CHLSN: variants seen among roughly 807,000 people sequenced by gnomAD.
CHLSN encodes protein cholesin.
At chr7:997,810 C>CG in the CHLSN span, 25 of 1,599,400 alleles carry the variant, frequency 1.6e-5, no homozygotes, top group South Asian at 2.7e-4. Flanking sequence ...GGAACCTGGA[C>CG]GGGAAAGAGA....
the CHLSN span, chr7:1,023,033 C>G: frequency 4.4e-6 from 2 of 456,548 alleles, no homozygotes; most frequent in Non-Finnish European, 8.8e-6. The surrounding 1 kb of genome is among the most constrained non-coding windows in gnomAD (Gnocchi z 5.0). Flanking sequence ...CCCGCCCCTG[C>G]GGAGCACAGG....
the CHLSN span, among the ~76,000 whole-genome samples, chr7:1,034,333 C>T: frequency 2.6e-5 from 4 of 151,288 alleles, no homozygotes; most frequent in African/African-American, 9.7e-5. Flanking sequence ...AGAGTCAAGA[C>T]ATAAATTCTC....
At chr7:1,019,218 G>C in the CHLSN span, among the ~76,000 whole-genome samples, 9 of 137,330 alleles carry the variant, frequency 6.6e-5, no homozygotes, top group South Asian at 5.6e-4. Context: ...AAAACGGGGG[G>C]GGGGGAGTGA....
At chr7:1,088,775 A>G in the CHLSN span, among the ~76,000 whole-genome samples, 1 of 152,238 alleles carries the variant, frequency 6.6e-6, no homozygotes, top group South Asian at 2.1e-4. The surrounding 1 kb of genome is among the most constrained non-coding windows in gnomAD (Gnocchi z 4.5). Flanking sequence ...AGCAGAGGAA[A>G]TCTGAAATGA....
the CHLSN span, among the ~76,000 whole-genome samples, chr7:1,134,339 C>T: frequency 2.0e-5 from 3 of 151,968 alleles, no homozygotes; most frequent in Non-Finnish European, 2.9e-5. Context: ...TTTGGGAGGC[C>T]GAGGTGGGCA....
the CHLSN span, among the ~76,000 whole-genome samples, chr7:1,133,832 T>C: frequency 3.3e-5 from 5 of 151,886 alleles, no homozygotes; most frequent in East Asian, 1.9e-4. Context: ...CTATAATGTT[T>C]GTTGTGAGAC....
the CHLSN span, among the ~76,000 whole-genome samples, chr7:1,070,790 CGCACGT>C: frequency 2.1e-5 from 3 of 144,102 alleles, no homozygotes; most frequent in Non-Finnish European, 3.0e-5. Context: ...CACACGGACA[CGCACGT>C]GCACACATGC....
At chr7:1,064,185 C>T in the CHLSN span, among the ~76,000 whole-genome samples, 12 of 152,326 alleles carry the variant, frequency 7.9e-5, no homozygotes, top group East Asian at 7.7e-4. Context: ...CCGGGAACAC[C>T]GTGACCGGAA....
the CHLSN span, chr7:1,127,448 T>A: frequency 1.3e-6 from 2 of 1,488,362 alleles, no homozygotes; most frequent in Non-Finnish European, 1.8e-6. Flanking sequence ...CATGTAAGAT[T>A]TTTAAATAAA....
the CHLSN span, among the ~76,000 whole-genome samples, chr7:1,064,360 G>A: frequency 6.6e-6 from 1 of 152,142 alleles, no homozygotes. Context: ...GGCTCTGTAG[G>A]GAGACAAGGC....
the CHLSN span, among the ~76,000 whole-genome samples, chr7:1,020,210 A>G: frequency 7.2e-5 from 11 of 152,120 alleles, no homozygotes; most frequent in African/African-American, 2.7e-4. Context: ...CGCGGAGTGC[A>G]TTCCCTCATG....
chr7:1,028,783 T>A, the CHLSN span: 1 of 722,404 alleles, frequency 1.4e-6, no homozygotes, highest in Non-Finnish European at 1.6e-6. Flanking sequence ...TCTGCCGCCA[T>A]CTGTCCCTAT....
chr7:985,944 G>A, the CHLSN span, among the ~76,000 whole-genome samples: 1 of 152,120 alleles, frequency 6.6e-6, no homozygotes, highest in Non-Finnish European at 1.5e-5. Context: ...CGAGAGCAGG[G>A]GGCACAGCTT....
chr7:982,620 G>A, the CHLSN span, among the ~76,000 whole-genome samples: 2 of 152,266 alleles, frequency 1.3e-5, no homozygotes, highest in African/African-American at 4.8e-5. Context: ...CACCCTCAGG[G>A]AGATGCAGGT....
chr7:1,007,567 G>T, the CHLSN span, among the ~76,000 whole-genome samples: 4 of 152,342 alleles, frequency 2.6e-5, no homozygotes, highest in South Asian at 6.2e-4. Context: ...CACCCTTGGA[G>T]ACCCCCAGGA....
At chr7:1,103,337 C>T in the CHLSN span, among the ~76,000 whole-genome samples, 1 of 152,136 alleles carries the variant, frequency 6.6e-6, no homozygotes, top group South Asian at 2.1e-4. Flanking sequence ...TGGAGAAAAA[C>T]CCTCGCGCAG....
chr7:1,126,159 G>C, the CHLSN span, among the ~76,000 whole-genome samples: 176 of 151,064 alleles, frequency 1.2e-3, 1 homozygote, highest in Non-Finnish European at 2.2e-3. Context: ...AGGAGGTCGA[G>C]ACCATCCCAG....
At chr7:1,093,230 G>A in the CHLSN span, 3 of 489,770 alleles carry the variant, frequency 6.1e-6, no homozygotes, top group East Asian at 1.2e-4. Flanking sequence ...AGAGGCCACT[G>A]TGGGTGAAGC....
chr7:1,071,507 C>T, the CHLSN span, among the ~76,000 whole-genome samples: 2 of 152,166 alleles, frequency 1.3e-5, no homozygotes, highest in South Asian at 2.1e-4. Context: ...CATTAAAAAC[C>T]ACAAAAACTG....
Sources: allele counts gnomAD v4.1 joint callset (sites outside exome capture counted in the v4.1 genomes callset), GRCh38; gene constraint gnomAD v4.1.1; non-coding constraint Gnocchi (gnomAD v3.1); transcripts MANE v1.5; gene names NCBI Gene and HGNC (gene_info 2026-07-23, HGNC 2026-07-21).